Variants in SAMM50 observed in about 807,000 individuals in gnomAD.
SAMM50 encodes the protein sorting and assembly machinery component 50 homolog.
A neutral mutation model predicts 66.9 loss-of-function variants in SAMM50; 47 were observed. That is an observed-to-expected ratio of 0.70 (90% CI 0.56 to 0.90). SAMM50 has a LOEUF of 0.90. SAMM50 is among the 40% of genes least tolerant of loss of function. The probability of loss-of-function intolerance (pLI) is 0.00; values close to 1 mark genes in which losing one functional copy is unlikely to be tolerated. For missense variants in SAMM50, 535 were observed against 595.3 expected, an observed-to-expected ratio of 0.90 and a Z score of 1.05; for synonymous variants, 191 against 214.1, an observed-to-expected ratio of 0.89 and a Z score of 0.94.
chr22:43,968,606 GCT>G (rs1217923752), intron 3 of SAMM50, 123 bp from the exon 4 acceptor site: 1 of 689,104 alleles, frequency 1.5e-6, no homozygotes, highest in Non-Finnish European at 2.6e-6. Context: ...TCTTGGTAGT[GCT>G]CTCTGCTCAG....
Position 43,990,261 on chromosome 22 carries a change from T to C in SAMM50, c.1223-4T>C. The C allele has an allele frequency of 1.2e-6, 2 of 1,614,178 alleles. No homozygotes were observed. Among genetic ancestry groups the C allele is most frequent in the Non-Finnish European group, 8.5e-7 (1 of 1,180,014 alleles). The stretch of plus-strand genomic sequence containing the variant: ...CTGTTGCTCACAGGTCTTTCTCTTT[T>C]CAGGGGAGGGCCCCAAAGCTCATAT... On this transcript the variant is annotated splice_region_variant and splice_polypyrimidine_tract_variant and intron_variant, in intron 13 of 14. Transcript: ENST00000350028.
intron 1 of SAMM50, among the ~76,000 whole-genome samples, chr22:43,961,570 C>G (rs915147380): frequency 1.3e-5 from 2 of 152,158 alleles, no homozygotes; most frequent in African/African-American, 4.8e-5. Flanking sequence ...CTGCCTTACC[C>G]TTCCAAGTAG....
At chr22:43,989,339 C>CTT (rs34147065) in intron 13 of SAMM50, 82 bp downstream of exon 13, 164,687 of 971,238 alleles carry the variant, frequency 0.17, 5,951 homozygotes, top group Admixed American at 0.26. Flanking sequence ...AGGTGTCTGT[C>CTT]TTTTTTTTTT....
At chr22:43,984,934 C>T (rs1009811888) in intron 12 of SAMM50, among the ~76,000 whole-genome samples, 4 of 151,928 alleles carry the variant, frequency 2.6e-5, no homozygotes, top group Non-Finnish European at 5.9e-5. Flanking sequence ...CTGGCCCCTA[C>T]GTATTATTTT....
rs775931631 is a variant in SAMM50, at chr22:43,983,972, C to T, written c.1047C>T (p.Ser349=). The change falls in exon 12 of 15, where the codon AGC becomes AGT. Residue 349 remains serine (S), a synonymous_variant. Transcript: ENST00000350028. The surrounding 1 kb of genome is among the most constrained non-coding windows in gnomAD (Gnocchi z 4.2). ...GACCCACAAGCATCCGCGGATTCAG[C>T]ATGCACAGCATCGGGCCACAGAGCG... ...LGGPTSIRGF[S]MHSIGPQSEG... is the part of the protein sequence containing the mutation. 6.2e-7 allele frequency: 1 copy of T among 1,611,722 alleles called. No homozygotes were observed. Among genetic ancestry groups the T allele is most frequent in the Non-Finnish European group, 8.5e-7 (1 of 1,179,158 alleles).
At chr22:43,966,895 T>C (rs2050176353) in intron 3 of SAMM50, among the ~76,000 whole-genome samples, 1 of 152,310 alleles carries the variant, frequency 6.6e-6, no homozygotes, top group African/African-American at 2.4e-5. Flanking sequence ...ATTTGGCTTT[T>C]GTTGATTTGC....
chr22:43,984,042 C>T (rs368341367), intron 12 of SAMM50, 42 bp downstream of exon 12: 16 of 1,558,156 alleles, frequency 1.0e-5, no homozygotes, highest in South Asian at 4.6e-5. Flanking sequence ...AGAAGGCTCG[C>T]GTCTCACTTT....
intron 4 of SAMM50, among the ~76,000 whole-genome samples, chr22:43,971,300 C>T (rs1364953549): frequency 6.6e-6 from 1 of 152,220 alleles, no homozygotes; most frequent in Non-Finnish European, 1.5e-5. Flanking sequence ...GGGCTGAGCA[C>T]CCCTGTGTAC....
At chr22:43,963,062 T>G (rs1382980132) in intron 1 of SAMM50, 3 of 331,886 alleles carry the variant, frequency 9.0e-6, no homozygotes, top group Non-Finnish European at 5.5e-6. Flanking sequence ...TTTTTATATT[T>G]TATTTAGTGA....
At chr22:43,985,275 G>C (rs1441341817) in intron 12 of SAMM50, among the ~76,000 whole-genome samples, 1 of 151,938 alleles carries the variant, frequency 6.6e-6, no homozygotes. Flanking sequence ...TGTGGGCTTT[G>C]ACAAATGCAT....
intron 10 of SAMM50, among the ~76,000 whole-genome samples, chr22:43,979,516 C>T (rs2050251370): frequency 6.6e-6 from 1 of 152,196 alleles, no homozygotes; most frequent in Non-Finnish European, 1.5e-5. Context: ...CAGCACTGCT[C>T]ATCCGCACTG....
intron 1 of SAMM50, among the ~76,000 whole-genome samples, chr22:43,958,496 T>A (rs2050131324): frequency 6.7e-6 from 1 of 149,526 alleles, no homozygotes. Context: ...TTTTTTTTTT[T>A]GAGGCGGAGT....
Position 43,963,383 on chromosome 22 carries a change from T to C in SAMM50, c.119T>C (p.Leu40Pro), listed in dbSNP as rs2050157355. ...EVEPEAKQEI[L>P]ENKDVVVQHV... is the part of the protein sequence containing the mutation. ...GAGCCTGAAGCTAAACAGGAAATTC[T>C]TGAAAACAAAGATGTGAGTTTTCTG... Residue 40 changes from leucine (L) to proline (P), a missense_variant, in exon 2 of 15, where the codon CTT becomes CCT. Leu to Pro is a moderately conservative substitution (Grantham distance 98). Coordinates refer to ENST00000350028, the MANE Select transcript of SAMM50 (RefSeq NM_015380.5). 1 of 1,607,972 alleles carries C rather than the reference T, an allele frequency of 6.2e-7. No individual in the cohort carries two copies. Among genetic ancestry groups the C allele is most frequent in the Admixed American group, 1.7e-5 (1 of 58,952 alleles).
In SAMM50 at chr22:43,976,801, G is replaced by A. The variant is rs2050234888; in HGVS notation, c.829G>A (p.Ala277Thr). The A allele has an allele frequency of 6.2e-7, 1 of 1,612,572 alleles. No individual in the cohort carries two copies. Among genetic ancestry groups the A allele is most frequent in the Non-Finnish European group, 8.5e-7 (1 of 1,179,272 alleles). Residue 277 changes from alanine to threonine, a missense_variant, in exon 9 of 15, where the codon GCT (alanine) becomes ACT (threonine). Ala to Thr is a moderately conservative substitution (Grantham distance 58). Transcript: ENST00000350028. The part of the protein sequence containing the change: ...RNSSILPRRG[A>T]LLKVNQELAG... Reference sequence around the variant, plus strand: ...TTCTTCCATCTTACCAAGGAGAGGTGCTTTGCTGAAAGTTAACCAGGTAGT... The same window carrying A: ...TTCTTCCATCTTACCAAGGAGAGGTACTTTGCTGAAAGTTAACCAGGTAGT...
Position 43,964,573 on chromosome 22 carries a change from GGT to G in SAMM50, c.234+24_234+25del, listed in dbSNP as rs2050163576. On this transcript the variant is annotated intron_variant, in intron 3 of 14. Transcript: ENST00000350028. ...ATTGAGGTAGGTGTGGTCTCTACAT[GGT>G]GTGCTTTCCCAGTCTCTTCTGAAGA... The G allele has an allele frequency of 7.6e-7, 1 of 1,318,960 alleles. No homozygotes were observed. Among genetic ancestry groups the G allele is most frequent in the East Asian group, 2.3e-5 (1 of 43,250 alleles). 81.7% of individuals were successfully genotyped at this position (1,318,960 alleles called of 1,614,324 possible).
At chr22:43,964,370 A>C (rs2050162327) in intron 2 of SAMM50, 82 bp from the exon 3 acceptor site, 2 of 669,888 alleles carry the variant, frequency 3.0e-6, no homozygotes, top group East Asian at 5.5e-5. Flanking sequence ...GACATTAATT[A>C]AACCTTGACA....
chr22:43,959,883 A>G lies in SAMM50; in HGVS notation c.22-3403A>G, dbSNP rs559307305. ...ATATTTACAGGGTATTAATCCTATA[A>G]TGACTTTAGGGTTTAGAGATAATAG... On this transcript the variant is annotated intron_variant, in intron 1 of 14. Coordinates refer to ENST00000350028, the MANE Select transcript of SAMM50 (RefSeq NM_015380.5). Among the ~76,000 whole-genome samples the G allele has an allele frequency of 2.6e-5, 4 of 152,288 alleles. No individual in the cohort carries two copies. The South Asian group carries it at 8.3e-4, about 32-fold the overall frequency.
chr22:43,963,320 T>G lies in SAMM50; in HGVS notation c.56T>G (p.Phe19Cys). ...LEPLPSSGPD[F>C]GGLGEEAEFV... ...CCTCTTCCATCAAGTGGACCTGATT[T>G]TGGAGGATTAGGAGAAGAAGCTGAA... Residue 19 changes from phenylalanine (F) to cysteine (C), a missense_variant, in exon 2 of 15, where the codon TTT becomes TGT. By Grantham distance (205) the Phe-to-Cys change is radical (BLOSUM62 -2). Transcript: ENST00000350028. 6.2e-7 allele frequency: 1 copy of G among 1,612,756 alleles called. No individual in the cohort carries two copies.
At chr22:43,971,029 G>A (rs934522598) in intron 4 of SAMM50, among the ~76,000 whole-genome samples, 3 of 152,066 alleles carry the variant, frequency 2.0e-5, no homozygotes, top group Non-Finnish European at 4.4e-5. Flanking sequence ...TTGGCAGAGT[G>A]TGGCGGCGGG....
Sources: allele counts gnomAD v4.1 joint callset (sites outside exome capture counted in the v4.1 genomes callset), GRCh38; gene constraint gnomAD v4.1.1; non-coding constraint Gnocchi (gnomAD v3.1); transcripts MANE v1.5; gene names NCBI Gene and HGNC (gene_info 2026-07-23, HGNC 2026-07-21).